Variants in ELMO1 observed in about 807,000 individuals in gnomAD.
ELMO1 encodes the protein engulfment and cell motility protein 1.
A neutral mutation model predicts 98.9 loss-of-function variants in ELMO1; 26 were observed. The ratio of observed to expected loss-of-function variants is 0.26; its 90% confidence interval spans 0.19 to 0.36. The LOEUF is 0.36. Among genes scored for constraint, ELMO1 ranks in the 10% least tolerant of loss-of-function variants. The pLI is 1.00. For missense variants in ELMO1, 627 were observed against 935.2 expected (o/e 0.67, Z 4.30); for synonymous variants, 346 against 346.0 (o/e 1.00, Z 0.00).
intron 16 of ELMO1, among the ~76,000 whole-genome samples, chr7:36,995,957 A>T (rs780229849): frequency 2.0e-5 from 3 of 152,168 alleles, no homozygotes; most frequent in Admixed American, 6.5e-5. Flanking sequence ...CCTCACAAAC[A>T]GCTGGAAGCC....
intron 14 of ELMO1, among the ~76,000 whole-genome samples, chr7:37,119,966 T>C (rs571164285): frequency 3.3e-4 from 50 of 152,188 alleles, no homozygotes; most frequent in Non-Finnish European, 7.2e-4. Context: ...GGGTAAGCAA[T>C]TATATCTCGA....
chr7:37,330,931 G>T (rs2717945), intron 2 of ELMO1, among the ~76,000 whole-genome samples: 143,823 of 152,216 alleles, frequency 0.94, 68,514 homozygotes, highest in East Asian at 1. Flanking sequence ...ATCTGATAAC[G>T]GAAATGGCTA....
Position 37,133,198 on chromosome 7 carries a change from G to A in ELMO1, c.1123C>T (p.Pro375Ser). The A allele has an allele frequency of 1.2e-6, 2 of 1,612,674 alleles. No individual in the cohort carries two copies. Among genetic ancestry groups the A allele is most frequent in the Non-Finnish European group, 8.5e-7 (1 of 1,179,426 alleles). Residue 375 changes from proline to serine, a missense_variant, in exon 14 of 22, where the codon CCA becomes TCA. Pro to Ser is a moderately conservative substitution (Grantham distance 74). Coordinates refer to ENST00000310758, the MANE Select transcript of ELMO1 (RefSeq NM_014800.11). ...VNPAMDFTQT[P>S]PGMLALDNML... is the part of the protein sequence containing the mutation. ...TTGTCCAGAGCCAACATCCCAGGTG[G>A]AGTCTGCGTGAAGTCCATGGCAGGG...
intron 16 of ELMO1, among the ~76,000 whole-genome samples, chr7:36,975,925 A>T (rs1790500858): frequency 6.6e-6 from 1 of 151,988 alleles, no homozygotes; most frequent in South Asian, 2.1e-4. Context: ...GTGATTTGAG[A>T]TCCATATGAC....
In ELMO1 at chr7:37,073,924, T is replaced by C. The variant is rs1253090459; in HGVS notation, c.1300+22695A>G. The stretch of plus-strand genomic sequence containing the variant: ...GTATTGATTTTATAATATTAAAATA[T>C]ATTTCTATGTATCTTATACAGTCCA... On this transcript the variant is annotated intron_variant, in intron 15 of 21. Transcript: ENST00000310758. 4.6e-5 allele frequency among the ~76,000 whole-genome samples: 7 copies of C among 151,426 alleles called. No individual in the cohort carries two copies. In the East Asian group the frequency reaches 1.3e-3, roughly 29 times the overall value.
At chr7:37,238,271 C>G (rs984005089) in intron 7 of ELMO1, among the ~76,000 whole-genome samples, 5 of 152,026 alleles carry the variant, frequency 3.3e-5, no homozygotes, top group Non-Finnish European at 7.4e-5. Context: ...GCATGTCTAT[C>G]GATGAATTTA....
chr7:37,313,417 G>T (rs1212018182), intron 4 of ELMO1, among the ~76,000 whole-genome samples: 2 of 152,098 alleles, frequency 1.3e-5, no homozygotes, highest in East Asian at 3.9e-4. Context: ...TAGAGACGGG[G>T]TTTCACCATG....
At chr7:36,959,187 G>T (rs1459416523) in intron 16 of ELMO1, among the ~76,000 whole-genome samples, 1 of 151,912 alleles carries the variant, frequency 6.6e-6, no homozygotes, top group African/African-American at 2.4e-5. Flanking sequence ...CCCACTCCTT[G>T]TCATCTCTAA....
intron 7 of ELMO1, 60 bp from the exon 8 acceptor site, chr7:37,233,254 G>A: frequency 1.4e-6 from 2 of 1,463,784 alleles, no homozygotes; most frequent in Non-Finnish European, 1.9e-6. Flanking sequence ...AGACACAGAA[G>A]CAAGAAAGTT....
At chr7:37,227,990 T>A (rs953348008) in intron 8 of ELMO1, among the ~76,000 whole-genome samples, 2 of 152,248 alleles carry the variant, frequency 1.3e-5, no homozygotes, top group Non-Finnish European at 2.9e-5. Context: ...TAAAGCATGT[T>A]ACATAATGAG....
intron 2 of ELMO1, among the ~76,000 whole-genome samples, chr7:37,334,252 C>A (rs1800276072): frequency 2.0e-5 from 3 of 152,118 alleles, no homozygotes; most frequent in African/African-American, 2.4e-5. Context: ...AATGTCTAAG[C>A]CTGGCCAACA....
At chr7:37,052,811 A>C (rs544633343) in intron 15 of ELMO1, among the ~76,000 whole-genome samples, 23 of 152,330 alleles carry the variant, frequency 1.5e-4, no homozygotes, top group Middle Eastern at 3.4e-3. Context: ...GGTTAGGGCC[A>C]ACCTTAGCCT....
At chr7:36,985,448 T>C (rs1791429157) in intron 16 of ELMO1, among the ~76,000 whole-genome samples, 1 of 151,970 alleles carries the variant, frequency 6.6e-6, no homozygotes, top group Non-Finnish European at 1.5e-5. Flanking sequence ...AGATGCTTCA[T>C]TCCGTGGCTG....
chr7:37,186,988 A>G (rs1468673299), intron 13 of ELMO1, among the ~76,000 whole-genome samples: 1 of 152,214 alleles, frequency 6.6e-6, no homozygotes. Context: ...ACATACACCC[A>G]CACAAAAACT....
intron 15 of ELMO1, among the ~76,000 whole-genome samples, chr7:37,021,061 G>A (rs1794237881): frequency 6.6e-6 from 1 of 152,130 alleles, no homozygotes; most frequent in African/African-American, 2.4e-5. Flanking sequence ...AGAAAACTTT[G>A]AGTTTTCTAT....
At chr7:37,237,336 C>T (rs1256178997) in intron 7 of ELMO1, among the ~76,000 whole-genome samples, 1 of 152,200 alleles carries the variant, frequency 6.6e-6, no homozygotes, top group Non-Finnish European at 1.5e-5. Flanking sequence ...TTTGCCCAGG[C>T]TGGAGTGCAG....
At chr7:37,411,984 T>C (rs1804009928) in intron 1 of ELMO1, among the ~76,000 whole-genome samples, 1 of 152,158 alleles carries the variant, frequency 6.6e-6, no homozygotes, top group Admixed American at 6.5e-5. Flanking sequence ...CTGTTCAAAT[T>C]AAAGTCCCTT....
At chr7:36,877,426 G>A (rs1008770804) in intron 19 of ELMO1, among the ~76,000 whole-genome samples, 93 of 152,124 alleles carry the variant, frequency 6.1e-4, no homozygotes, top group Non-Finnish European at 2.4e-4. Flanking sequence ...GCACATTACT[G>A]TCTCTTCAAA....
intron 15 of ELMO1, among the ~76,000 whole-genome samples, chr7:37,062,465 C>T (rs1379280855): frequency 6.6e-6 from 1 of 152,152 alleles, no homozygotes; most frequent in Non-Finnish European, 1.5e-5. Context: ...ACACGTGCAT[C>T]CTTTAGACAT....
Sources: gnomAD v4.1 joint callset for allele counts (sites outside exome capture counted in the v4.1 genomes callset) on GRCh38, gnomAD v4.1.1 for gene constraint, MANE v1.5 for transcripts, NCBI Gene and HGNC (gene_info 2026-07-23, HGNC 2026-07-21) for gene names.